Variants in PCYT1A observed in about 807,000 individuals in gnomAD.
PCYT1A encodes choline-phosphate cytidylyltransferase A.
In PCYT1A, 25 loss-of-function variants were observed where a neutral mutation model predicts 43.7. The ratio of observed to expected loss-of-function variants is 0.57; its 90% confidence interval spans 0.42 to 0.80. The LOEUF (loss-of-function observed/expected upper bound fraction) is 0.80. Ranked by LOEUF, PCYT1A falls within the 30% of genes least tolerant of loss-of-function variation. PCYT1A has a pLI of 0.00. For missense variants in PCYT1A, 421 were observed against 474.2 expected, an observed-to-expected ratio of 0.89 and a Z score of 1.04; for synonymous variants, 172 against 170.7, an observed-to-expected ratio of 1.01 and a Z score of -0.06.
intron 3 of PCYT1A, among the ~76,000 whole-genome samples, chr3:196,256,221 G>A (rs1263085970): frequency 6.6e-6 from 1 of 152,254 alleles, no homozygotes; most frequent in African/African-American, 2.4e-5. Context: ...GGCCGGCGCG[G>A]TGGCTCACGC....
At position 196,238,534 on chromosome 3, in the gene PCYT1A, T is replaced by G. The variant is rs201424172; in HGVS notation, c.*154A>C. ...GTGATGTCACTTGCAGGACAGGCTG[T>G]TTGGGTTCCCCCAGTCCTAGGTCTT... On this transcript the variant is annotated 3_prime_UTR_variant, in exon 9 of 9. Transcript: ENST00000431016. The G allele has an allele frequency of 1.9e-6, 1 of 516,004 alleles. No individual in the cohort carries two copies. 32.0% of individuals were successfully genotyped at this position (516,004 alleles called of 1,614,324 possible).
chr3:196,257,636 T>C (rs1422227408), intron 3 of PCYT1A, 152 bp downstream of exon 3: 16 of 544,578 alleles, frequency 2.9e-5, no homozygotes, highest in Non-Finnish European at 5.0e-5. Flanking sequence ...CCCTTCTAAA[T>C]AGAACATCAA....
rs184672886 is a variant in PCYT1A at position 196,235,508 on chromosome 3, C to T, written c.*3180G>A. The T allele has an allele frequency of 7.0e-4, 107 of 152,364 alleles. No individual in the cohort carries two copies. The highest frequency in any genetic ancestry group is 7.0e-3 in the Admixed American group (107 of 15,312). 9.4% of individuals were successfully genotyped at this position (152,364 alleles called of 1,614,324 possible). A position where few individuals can be genotyped will look rare whatever the true frequency, so the allele number is the denominator to read the frequency against. The stretch of plus-strand genomic sequence containing the variant: ...TAGCTATCAGCAATAGCTGCAAGAG[C>T]ACAAATGATCCCTTCCTAGTCCTCT... On this transcript the variant is annotated 3_prime_UTR_variant, in exon 9 of 9. Transcript: ENST00000431016. The surrounding 1 kb of genome is among the most constrained non-coding windows in gnomAD (Gnocchi z 4.3).
chr3:196,248,874 C>T (rs1346303702), intron 3 of PCYT1A, among the ~76,000 whole-genome samples: 5 of 152,014 alleles, frequency 3.3e-5, no homozygotes, highest in South Asian at 4.2e-4. Context: ...CTCCTGCCTC[C>T]GCCTCCTGAG....
At chr3:196,270,388 C>T (rs1302909333) in intron 2 of PCYT1A, 27 bp downstream of exon 2, 1 of 1,381,834 alleles carries the variant, frequency 7.2e-7, no homozygotes, top group Non-Finnish European at 1.0e-6. Flanking sequence ...TTTCTACCCT[C>T]CCCCTGCCAG....
intron 3 of PCYT1A, among the ~76,000 whole-genome samples, chr3:196,254,872 C>T (rs1052892867): frequency 2.0e-5 from 3 of 152,168 alleles, no homozygotes; most frequent in Non-Finnish European, 4.4e-5. Flanking sequence ...CTGTTCCTAA[C>T]ATTTCCATTG....
chr3:196,284,792 G>A (rs1302010722), intron 1 of PCYT1A, among the ~76,000 whole-genome samples: 1 of 152,156 alleles, frequency 6.6e-6, no homozygotes, highest in Non-Finnish European at 1.5e-5. Context: ...ATTTCATTCA[G>A]CAAAGAAAAA....
chr3:196,286,338 G>C (rs1351037971), intron 1 of PCYT1A, among the ~76,000 whole-genome samples: 2 of 152,124 alleles, frequency 1.3e-5, no homozygotes. Context: ...AGTTAGGCCA[G>C]GCTAATACAG....
rs1725397145 is a variant in PCYT1A at position 196,270,455 on chromosome 3, T to C, written c.77A>G (p.Glu26Gly). ...KEAPGPNGAT[E>G]EDGVPSKVQR... The stretch of plus-strand genomic sequence containing the variant: ...CACTTTGGAAGGAACCCCATCTTCT[T>C]CTGTTGCCCCGTTGGGTCCGGGCGC... Residue 26 changes from glutamate to glycine, a missense_variant, in exon 2 of 9, where the codon GAA (glutamate) becomes GGA (glycine). By Grantham distance (98) the Glu-to-Gly change is moderately conservative. Transcript: ENST00000431016. The C allele has an allele frequency of 1.2e-6, 2 of 1,614,170 alleles. No individual in the cohort carries two copies.
chr3:196,263,335 C>T (rs1725171264), intron 2 of PCYT1A, among the ~76,000 whole-genome samples: 1 of 152,192 alleles, frequency 6.6e-6, no homozygotes. Flanking sequence ...CCTGCCTCAT[C>T]TTCCTGAGCA....
chr3:196,282,065 C>T lies in PCYT1A; in HGVS notation c.-11+5550G>A, dbSNP rs903248869. 1.3e-5 allele frequency among the ~76,000 whole-genome samples: 2 copies of T among 152,194 alleles called. No homozygotes were observed. The highest frequency in any genetic ancestry group is 1.9e-4 in the East Asian group (1 of 5,202). ...AGATTAGTTCTAAACTAAAGTTCAA[C>T]GTTACTTGTCATGAGCCCTATAAAC... On this transcript the variant is annotated intron_variant, in intron 1 of 8. Coordinates refer to ENST00000431016, the MANE Select transcript of PCYT1A (RefSeq NM_001312673.2). This position sits in a 1 kb window ranked among gnomAD's most constrained non-coding sequence, Gnocchi z 4.3.
chr3:196,267,400 C>T, intron 2 of PCYT1A: 1 of 452,010 alleles, frequency 2.2e-6, no homozygotes, highest in Non-Finnish European at 4.4e-6. Context: ...CTAATGAGTA[C>T]AGGCCTTCTT....
At chr3:196,250,939 T>TA (rs1388612344) in intron 3 of PCYT1A, among the ~76,000 whole-genome samples, 1 of 114,750 alleles carries the variant, frequency 8.7e-6, no homozygotes, top group Non-Finnish European at 1.8e-5. Context: ...CCAGATACAC[T>TA]ATGCTGAGGA....
intron 2 of PCYT1A, 73 bp downstream of exon 2, chr3:196,270,340 GAA>G (rs1560174928): frequency 1.1e-6 from 1 of 887,876 alleles, no homozygotes; most frequent in Non-Finnish European, 1.9e-6. Flanking sequence ...CATTATTTCA[GAA>G]GACATGTAAC....
At chr3:196,261,616 C>T (rs1248743418) in intron 2 of PCYT1A, among the ~76,000 whole-genome samples, 1 of 152,024 alleles carries the variant, frequency 6.6e-6, no homozygotes, top group Non-Finnish European at 1.5e-5. Context: ...ATGGTAAAAT[C>T]CCATCTCTAC....
chr3:196,284,250 T>A (rs1035711326), intron 1 of PCYT1A, among the ~76,000 whole-genome samples: 1 of 152,206 alleles, frequency 6.6e-6, no homozygotes, highest in Admixed American at 6.5e-5. Context: ...GCTTTTTATT[T>A]GAGCATTTCA....
In PCYT1A at chr3:196,277,659, T is replaced by A. The variant is rs1725628737; in HGVS notation, c.-10-7118A>T. ...ACCAAGGTGGGTGGATCACATGAGG[T>A]CAGGAGTTCGCAACCAGCCTGGCCA... On this transcript the variant is annotated intron_variant, in intron 1 of 8. Coordinates refer to ENST00000431016, the MANE Select transcript of PCYT1A (RefSeq NM_001312673.2). This position sits in a 1 kb window ranked among gnomAD's most constrained non-coding sequence, Gnocchi z 4.1. Among the ~76,000 whole-genome samples, 1 of 152,126 alleles carries A rather than the reference T, an allele frequency of 6.6e-6. No homozygotes were observed.
rs397723929 is a variant in PCYT1A, at chr3:196,279,826, CTTTTTTTTTTT to C, written c.-11+7778_-11+7788del. Among the ~76,000 whole-genome samples the C allele has an allele frequency of 7.9e-5, 4 of 50,928 alleles. No homozygotes were observed. The South Asian group carries it at 2.8e-3, about 35-fold the overall frequency. The allele number at this position is 50,928 out of a possible 152,430, so 33.4% of individuals were successfully genotyped here. On this transcript the variant is annotated intron_variant, in intron 1 of 8. Coordinates refer to ENST00000431016, the MANE Select transcript of PCYT1A (RefSeq NM_001312673.2). ...TTTAGGGACTCCTATCCAGTCCTTT[CTTTTTTTTTTT>C]TTTTTTTTTTTTTTGAGACAGAGTT...
At chr3:196,279,826 CTTTTTTTT>C (rs397723929) in intron 1 of PCYT1A, among the ~76,000 whole-genome samples, 1 of 50,928 alleles carries the variant, frequency 2.0e-5, no homozygotes, top group African/African-American at 8.6e-5. Flanking sequence ...CCAGTCCTTT[CTTTTTTTT>C]TTTTTTTTTT....
Sources: allele counts gnomAD v4.1 joint callset (sites outside exome capture counted in the v4.1 genomes callset), GRCh38; gene constraint gnomAD v4.1.1; non-coding constraint Gnocchi (gnomAD v3.1); transcripts MANE v1.5; gene names NCBI Gene and HGNC (gene_info 2026-07-23, HGNC 2026-07-21).